The following CSMD1 variants were observed in gnomAD, a reference collection of about 807,000 sequenced individuals.
CSMD1 encodes CUB and sushi domain-containing protein 1.
CSMD1 carries 213 observed loss-of-function variants against 417.5 expected under a neutral mutation model. The observed-to-expected ratio is 0.51, with a 90% CI of 0.46 to 0.57. The LOEUF (loss-of-function observed/expected upper bound fraction) is 0.57. Ranked by LOEUF, CSMD1 falls within the 20% of genes least tolerant of loss-of-function variation. CSMD1 has a pLI of 0.00. For missense variants in CSMD1, 6,923 were observed against 4,529.7 expected, an observed-to-expected ratio of 1.53 and a Z score of -15.17; for synonymous variants, 2,862 against 1,736.8, an observed-to-expected ratio of 1.65 and a Z score of -16.11.
chr8:4,550,109 G>A (rs1396841152), intron 2 of CSMD1, among the ~76,000 whole-genome samples: 1 of 151,516 alleles, frequency 6.6e-6, no homozygotes, highest in Non-Finnish European at 1.5e-5. Context: ...CGGTAGAAAC[G>A]GACTTTTCCC....
At chr8:4,121,990 A>C (rs1384087081) in intron 3 of CSMD1, among the ~76,000 whole-genome samples, 3 of 152,064 alleles carry the variant, frequency 2.0e-5, no homozygotes, top group Admixed American at 6.5e-5. Flanking sequence ...GATTTACTAA[A>C]ATATTTTTAA....
intron 5 of CSMD1, among the ~76,000 whole-genome samples, chr8:3,776,360 G>A (rs569983109): frequency 4.6e-5 from 7 of 152,162 alleles, no homozygotes; most frequent in Admixed American, 6.5e-5. Context: ...GGGGTCACCT[G>A]TCTCACTGAG....
chr8:4,108,422 T>G (rs963010323), intron 3 of CSMD1, among the ~76,000 whole-genome samples: 2 of 152,202 alleles, frequency 1.3e-5, no homozygotes, highest in East Asian at 3.9e-4. Flanking sequence ...ACAAAGTGAC[T>G]GCCATGTTGT....
intron 5 of CSMD1, among the ~76,000 whole-genome samples, chr8:3,986,848 A>T (rs1814362513): frequency 6.6e-6 from 1 of 152,036 alleles, no homozygotes. Flanking sequence ...CTCTGCTCCC[A>T]GGTTCAAGCA....
intron 8 of CSMD1, among the ~76,000 whole-genome samples, chr8:3,593,453 G>A (rs1031878136): frequency 9.2e-5 from 14 of 152,214 alleles, no homozygotes; most frequent in Non-Finnish European, 1.8e-4. Flanking sequence ...ATGACTGGGA[G>A]TGAGTGGCAC....
chr8:4,079,231 G>A (rs945112489), intron 3 of CSMD1, among the ~76,000 whole-genome samples: 3 of 152,100 alleles, frequency 2.0e-5, no homozygotes, highest in East Asian at 3.8e-4. Flanking sequence ...GGAAACAACT[G>A]AATGAGTAGA....
At chr8:4,408,971 A>C (rs972613907) in intron 3 of CSMD1, among the ~76,000 whole-genome samples, 25 of 152,348 alleles carry the variant, frequency 1.6e-4, no homozygotes, top group African/African-American at 6.0e-4. Flanking sequence ...AAGGGAAATG[A>C]ACTGTGAATT....
chr8:3,749,021 G>A (rs1056141137), intron 6 of CSMD1, among the ~76,000 whole-genome samples: 3 of 152,202 alleles, frequency 2.0e-5, no homozygotes, highest in East Asian at 1.9e-4. Flanking sequence ...TTTATAAACA[G>A]CCGGGTAAAG....
intron 3 of CSMD1, among the ~76,000 whole-genome samples, chr8:4,410,689 A>T (rs908717537): frequency 1.3e-5 from 2 of 152,232 alleles, no homozygotes; most frequent in African/African-American, 2.4e-5. Context: ...CTGGAAAAAA[A>T]TTAATAAAAA....
intron 1 of CSMD1, among the ~76,000 whole-genome samples, chr8:4,824,860 A>G (rs553423747): frequency 6.6e-6 from 1 of 152,236 alleles, no homozygotes; most frequent in South Asian, 2.1e-4. Context: ...CTCCAAGTGA[A>G]ATGTCATTGT....
chr8:3,458,444 A>T (rs1816293242), intron 12 of CSMD1, among the ~76,000 whole-genome samples: 3 of 152,186 alleles, frequency 2.0e-5, no homozygotes, highest in South Asian at 2.1e-4. Context: ...TAAAGTTAAG[A>T]CTGTCCTGAA....
intron 1 of CSMD1, among the ~76,000 whole-genome samples, chr8:4,700,626 T>A (rs1392908000): frequency 6.6e-6 from 1 of 152,110 alleles, no homozygotes; most frequent in Non-Finnish European, 1.5e-5. Flanking sequence ...AACAACTGAC[T>A]CAATCTATCA....
At chr8:3,550,021 A>C (rs1475524813) in intron 10 of CSMD1, among the ~76,000 whole-genome samples, 1 of 152,224 alleles carries the variant, frequency 6.6e-6, no homozygotes, top group Admixed American at 6.5e-5. Flanking sequence ...CCACCTTCTT[A>C]CATTTAACTC....
At chr8:3,859,996 C>T (rs1394887345) in intron 5 of CSMD1, among the ~76,000 whole-genome samples, 2 of 151,998 alleles carry the variant, frequency 1.3e-5, no homozygotes, top group Non-Finnish European at 2.9e-5. Flanking sequence ...TTTGGGAAAC[C>T]CAAACTTGGA....
In CSMD1 at chr8:4,127,804, T is replaced by G. The variant is rs544455938; in HGVS notation, c.416-95705A>C. 3.3e-5 allele frequency among the ~76,000 whole-genome samples: 5 copies of G among 152,336 alleles called. No individual in the cohort carries two copies. In the East Asian group the frequency reaches 9.6e-4, roughly 29 times the overall value. On this transcript the variant is annotated intron_variant, in intron 3 of 69. Transcript: ENST00000635120. The stretch of plus-strand genomic sequence containing the variant: ...ATCTTTACTCTGAAGTAGATGGTAT[T>G]TGTACTATCATTATTTATCATTCTT...
At chr8:4,036,956 G>GGTGGGTGT (rs1554523194) in intron 3 of CSMD1, among the ~76,000 whole-genome samples, 1 of 145,936 alleles carries the variant, frequency 6.9e-6, no homozygotes, top group Non-Finnish European at 1.5e-5. Context: ...GTGAGTGTGG[G>GGTGGGTGT]GTGTGTGTGT....
intron 3 of CSMD1, among the ~76,000 whole-genome samples, chr8:4,408,642 T>G (rs140622765): frequency 1.4e-3 from 206 of 152,298 alleles, no homozygotes; most frequent in African/African-American, 4.5e-3. Flanking sequence ...ATGACACCAT[T>G]TCAAGTTGAT....
At chr8:4,856,644 C>A (rs1221291475) in intron 1 of CSMD1, among the ~76,000 whole-genome samples, 2 of 147,008 alleles carry the variant, frequency 1.4e-5, no homozygotes, top group Admixed American at 1.3e-4. Flanking sequence ...GACTTTAAAC[C>A]AACAAAGATC....
chr8:3,599,004 G>A (rs1465693789), intron 8 of CSMD1, among the ~76,000 whole-genome samples: 5 of 152,050 alleles, frequency 3.3e-5, no homozygotes, highest in African/African-American at 7.2e-5. Flanking sequence ...TTCCGTGAAT[G>A]TGGGAGGTAG....
Sources: gnomAD v4.1 joint callset for allele counts (sites outside exome capture counted in the v4.1 genomes callset) on GRCh38, gnomAD v4.1.1 for gene constraint, MANE v1.5 for transcripts, NCBI Gene and HGNC (gene_info 2026-07-23, HGNC 2026-07-21) for gene names.